The following FIGNL2 variants were observed in gnomAD, a reference collection of about 807,000 sequenced individuals.
FIGNL2 encodes the protein fidgetin-like protein 2.
For missense variants in FIGNL2, 1,060 were observed against 950.2 expected (o/e 1.12, Z -1.52); for synonymous variants, 565 against 484.0 (o/e 1.17, Z -2.20).
intron 1 of FIGNL2, among the ~76,000 whole-genome samples, chr12:51,826,715 C>T (rs1165482243): frequency 1.3e-5 from 2 of 151,822 alleles, no homozygotes; most frequent in Non-Finnish European, 2.9e-5. Flanking sequence ...AACTTAGTTC[C>T]ATAGCGCTAC....
intron 1 of FIGNL2, among the ~76,000 whole-genome samples, chr12:51,828,097 C>T (rs1939381987): frequency 6.6e-6 from 1 of 152,162 alleles, no homozygotes; most frequent in African/African-American, 2.4e-5. Context: ...ACTTCCTGGG[C>T]CTGTGGAAAC....
At position 51,822,178 on chromosome 12, in the gene FIGNL2, G is replaced by C. The variant is rs140112751; in HGVS notation, c.236C>G (p.Ala79Gly). The change falls in exon 2 of 2, where the codon GCC (alanine) becomes GGC (glycine). Residue 79 changes from alanine (A) to glycine (G), a missense_variant. Physicochemically the swap from Ala to Gly is moderately conservative, Grantham distance 60. Transcript: ENST00000618634. ...GGAGGCGTCGCTGTACCCGCCCAGG[G>C]CCGGACGCTCGTAGGGAGAATCCAA... ...GVLDSPYERP[A>G]LGGYSDASFL... The C allele has an allele frequency of 2.2e-5, 35 of 1,611,624 alleles. No individual in the cohort carries two copies. The highest frequency in any genetic ancestry group is 1.6e-4 in the Middle Eastern group (1 of 6,082).
intron 1 of FIGNL2, among the ~76,000 whole-genome samples, chr12:51,835,798 T>A (rs1461952656): frequency 1.4e-5 from 2 of 140,912 alleles, no homozygotes; most frequent in Non-Finnish European, 3.1e-5. Context: ...CCTGCGGATC[T>A]AGACTTCTTT....
At chr12:51,844,452 C>T (rs1443385807) in intron 1 of FIGNL2, among the ~76,000 whole-genome samples, 4 of 152,190 alleles carry the variant, frequency 2.6e-5, no homozygotes, top group Admixed American at 2.0e-4. Flanking sequence ...CTTGGCTAAG[C>T]AAACTGGGGA....
chr12:51,821,490 C>G lies in FIGNL2; in HGVS notation c.924G>C (p.Gly308=). The G allele has an allele frequency of 6.4e-7, 1 of 1,555,408 alleles. No homozygotes were observed. Among genetic ancestry groups the G allele is most frequent in the Non-Finnish European group, 8.6e-7 (1 of 1,157,874 alleles). ...AADNGECRGN[G]FRAKPPGAAE... is the part of the protein sequence containing the mutation. ...CGGCTCCTGGCGGCTTGGCCCGGAACCCGTTGCCCCGACATTCGCCGTTGT... is the reference window on the plus strand; with the variant it reads ...CGGCTCCTGGCGGCTTGGCCCGGAAGCCGTTGCCCCGACATTCGCCGTTGT... The change falls in exon 2 of 2, where the codon GGG becomes GGC. Residue 308 remains glycine (G), a synonymous_variant. Coordinates refer to ENST00000618634, the MANE Select transcript of FIGNL2 (RefSeq NM_001384995.1).
In FIGNL2 at chr12:51,848,158, C is replaced by A. The variant is rs555668752; in HGVS notation, c.-12+382G>T. The A allele has an allele frequency of 1.3e-5, 13 of 985,154 alleles. No individual in the cohort carries two copies. The East Asian group carries it at 1.3e-3, about 95-fold the overall frequency. The allele number at this position is 985,154 out of a possible 1,614,324, so 61.0% of individuals were successfully genotyped here. Reference sequence around the variant, plus strand: ...GGCCTGCGGGCCGGCCCTCGGGCTCCGGACGCTGGATCCTTCTGGGACCCG... The same window carrying A: ...GGCCTGCGGGCCGGCCCTCGGGCTCAGGACGCTGGATCCTTCTGGGACCCG... On this transcript the variant is annotated intron_variant, in intron 1 of 1. Coordinates refer to ENST00000618634, the MANE Select transcript of FIGNL2 (RefSeq NM_001384995.1).
intron 1 of FIGNL2, among the ~76,000 whole-genome samples, chr12:51,827,907 C>A (rs1939377582): frequency 6.6e-6 from 1 of 152,194 alleles, no homozygotes; most frequent in South Asian, 2.1e-4. Context: ...GATGAGGAGA[C>A]TGAGGTACAG....
At chr12:51,831,769 CCT>C (rs1939475082) in intron 1 of FIGNL2, 1 of 154,420 alleles carries the variant, frequency 6.5e-6, no homozygotes, top group Non-Finnish European at 1.5e-5. Flanking sequence ...GATCCATTTC[CCT>C]CTCTGCTGGG....
chr12:51,821,145 G>A lies in FIGNL2; in HGVS notation c.1269C>T (p.Arg423=). 6.8e-7 allele frequency: 1 copy of A among 1,467,094 alleles called. No individual in the cohort carries two copies. Among genetic ancestry groups the A allele is most frequent in the Non-Finnish European group, 8.9e-7 (1 of 1,121,626 alleles). 90.9% of individuals were successfully genotyped at this position (1,467,094 alleles called of 1,614,324 possible). A position where few individuals can be genotyped will look rare whatever the true frequency, so the allele number is the denominator to read the frequency against. Residue 423 remains arginine, a synonymous_variant, in exon 2 of 2, where the codon CGC becomes CGT. Transcript: ENST00000618634. ...LRPPAYPGSL[R]PPRTVLLFGP... ...CAAAGAGCAGGACGGTCCGCGGCGG[G>A]CGCAGGCTGCCCGGGTAGGCGGGCG...
rs1257408586 is a variant in FIGNL2, at chr12:51,821,303, C to T, written c.1111G>A (p.Asp371Asn). Residue 371 changes from aspartate to asparagine, a missense_variant, in exon 2 of 2, where the codon GAC (aspartate) becomes AAC (asparagine). Transcript: ENST00000618634. ...GTCACCAGCTCCAGGGCCCCAGGGT[C>T]CACGCCTTTGGGAGTCTCCCCCGAC... is the stretch of plus-strand genomic sequence containing the variant. Reference protein sequence around the residue: ...VPSGETPKGVDPGALELVTSK... With the variant: ...VPSGETPKGVNPGALELVTSK... The T allele has an allele frequency of 1.2e-5, 18 of 1,524,276 alleles. No individual in the cohort carries two copies. Among genetic ancestry groups the T allele is most frequent in the African/African-American group, 1.4e-5 (1 of 71,102 alleles). 94.4% of individuals were successfully genotyped at this position (1,524,276 alleles called of 1,614,324 possible). A position where few individuals can be genotyped will look rare whatever the true frequency, so the allele number is the denominator to read the frequency against.
rs533691794 is a variant in FIGNL2, at chr12:51,826,368, C to T, written c.-11-3944G>A. Among the ~76,000 whole-genome samples, 26 of 152,168 alleles carry T rather than the reference C, an allele frequency of 1.7e-4. No homozygotes were observed. The East Asian group carries it at 5.0e-3, about 29-fold the overall frequency. ...CAGGGGCCAGGCACAGTGGCTCACGCCTGTAATCCCAGCACTTTGTGAGGC... is the reference window on the plus strand; with the variant it reads ...CAGGGGCCAGGCACAGTGGCTCACGTCTGTAATCCCAGCACTTTGTGAGGC... On this transcript the variant is annotated intron_variant, in intron 1 of 1. Transcript: ENST00000618634.
Position 51,821,065 on chromosome 12 carries a change from C to T in FIGNL2, c.1349G>A (p.Gly450Asp), listed in dbSNP as rs1428010064. Reference sequence around the variant, plus strand: ...GCCGCGCAGGCGCAACAGCGTGGCGCCCAGCTGCGTGGCGAGGCAGCGGCC... The same window carrying T: ...GCCGCGCAGGCGCAACAGCGTGGCGTCCAGCTGCGTGGCGAGGCAGCGGCC... ...LLGRCLATQL[G>D]ATLLRLRGAT... The change falls in exon 2 of 2, where the codon GGC (glycine) becomes GAC (aspartate). Residue 450 changes from glycine to aspartate, a missense_variant. Coordinates refer to ENST00000618634, the MANE Select transcript of FIGNL2 (RefSeq NM_001384995.1). 20 of 1,272,978 alleles carry T rather than the reference C, an allele frequency of 1.6e-5. No homozygotes were observed. Among genetic ancestry groups the T allele is most frequent in the Non-Finnish European group, 7.9e-6 (8 of 1,013,372 alleles). The allele number at this position is 1,272,978 out of a possible 1,614,324, so 78.9% of individuals were successfully genotyped here.
chr12:51,821,553 C>T lies in FIGNL2; in HGVS notation c.861G>A (p.Lys287=). 3 of 1,550,938 alleles carry T rather than the reference C, an allele frequency of 1.9e-6. No individual in the cohort carries two copies. The highest frequency in any genetic ancestry group is 2.6e-6 in the Non-Finnish European group (3 of 1,157,086). Reference sequence around the variant, plus strand: ...AGGAGGCTCCGTCAGCCACGGGGGCCTTGGCGGGCTCGTACGCGTACTTGC... The same window carrying T: ...AGGAGGCTCCGTCAGCCACGGGGGCTTTGGCGGGCTCGTACGCGTACTTGC... The part of the protein sequence containing the change: ...RYRKYAYEPA[K]APVADGASYP... The change falls in exon 2 of 2, where the codon AAG becomes AAA. Residue 287 remains lysine (K), a synonymous_variant. Coordinates refer to ENST00000618634, the MANE Select transcript of FIGNL2 (RefSeq NM_001384995.1).
At chr12:51,842,020 G>C (rs1939671291) in intron 1 of FIGNL2, 1 of 152,196 alleles carries the variant, frequency 6.6e-6, no homozygotes, top group African/African-American at 2.4e-5. Flanking sequence ...TTCCCGGGAG[G>C]GGCACTGCTG....
At chr12:51,828,323 TCTCA>T (rs1279068049) in intron 1 of FIGNL2, 1 of 152,116 alleles carries the variant, frequency 6.6e-6, no homozygotes, top group African/African-American at 2.4e-5. Context: ...ACACTCTCTC[TCTCA>T]AACTGCCTGG....
rs1298141542 is a variant in FIGNL2 at position 51,821,292 on chromosome 12, G to C, written c.1122C>G (p.Ala374=). The C allele has an allele frequency of 6.6e-7, 1 of 1,523,530 alleles. No homozygotes were observed. The highest frequency in any genetic ancestry group is 8.8e-7 in the Non-Finnish European group (1 of 1,141,208). The allele number at this position is 1,523,530 out of a possible 1,614,324, so 94.4% of individuals were successfully genotyped here. A position where few individuals can be genotyped will look rare whatever the true frequency, so the allele number is the denominator to read the frequency against. Residue 374 remains alanine, a synonymous_variant, in exon 2 of 2, where the codon GCC becomes GCG. Coordinates refer to ENST00000618634, the MANE Select transcript of FIGNL2 (RefSeq NM_001384995.1). ...GETPKGVDPG[A]LELVTSKMVD... ...CCATCTTGCTCGTCACCAGCTCCAG[G>C]GCCCCAGGGTCCACGCCTTTGGGAG...
At chr12:51,825,672 A>G (rs1431073003) in intron 1 of FIGNL2, 2 of 147,340 alleles carry the variant, frequency 1.4e-5, no homozygotes, top group Non-Finnish European at 3.0e-5. Context: ...GCTGGAGTGC[A>G]GTGGCGCGAT....
intron 1 of FIGNL2, 50 bp downstream of exon 1, chr12:51,848,490 C>T: frequency 1.0e-6 from 1 of 982,996 alleles, no homozygotes; most frequent in Non-Finnish European, 1.2e-6. Flanking sequence ...ACACCCTGAC[C>T]GAACGGTCAC....
chr12:51,839,372 C>T (rs2138998346), intron 1 of FIGNL2, among the ~76,000 whole-genome samples: 1 of 152,300 alleles, frequency 6.6e-6, no homozygotes, highest in Non-Finnish European at 1.5e-5. Flanking sequence ...CCAGCCTCCA[C>T]TCATCTAGCT....
Sources: allele counts gnomAD v4.1 joint callset (sites outside exome capture counted in the v4.1 genomes callset), GRCh38; gene constraint gnomAD v4.1.1; transcripts MANE v1.5; gene names NCBI Gene and HGNC (gene_info 2026-07-23, HGNC 2026-07-21).